Variants in DGKB observed in about 807,000 individuals in gnomAD.
DGKB encodes 90 kDa diacylglycerol kinase.
Under a neutral mutation model 114.3 loss-of-function variants are expected in DGKB, and 67 were observed. The ratio of observed to expected loss-of-function variants is 0.59; its 90% CI spans 0.48 to 0.72. The LOEUF is 0.72. DGKB is among the 30% of genes least tolerant of loss of function. DGKB has a pLI of 0.00. For missense variants in DGKB, 907 were observed against 975.2 expected, an observed-to-expected ratio of 0.93 and a Z score of 0.93; for synonymous variants, 398 against 323.1, an observed-to-expected ratio of 1.23 and a Z score of -2.49.
At chr7:14,950,643 G>T (rs1450866546) in intron 1 of DGKB, among the ~76,000 whole-genome samples, 1 of 151,812 alleles carries the variant, frequency 6.6e-6, no homozygotes, top group Non-Finnish European at 1.5e-5. Flanking sequence ...AAAAGTCCAG[G>T]CATGCATTTC....
chr7:14,347,606 A>G (rs1201281731), intron 21 of DGKB, among the ~76,000 whole-genome samples: 1 of 152,060 alleles, frequency 6.6e-6, no homozygotes, highest in African/African-American at 2.4e-5. Context: ...TGTGGTTATC[A>G]GGGGTCAAGA....
At chr7:14,286,421 G>A (rs1362041072) in intron 23 of DGKB, among the ~76,000 whole-genome samples, 1 of 152,120 alleles carries the variant, frequency 6.6e-6, no homozygotes, top group Admixed American at 6.6e-5. Flanking sequence ...TATTACTTGG[G>A]TACTAAAGTC....
intron 20 of DGKB, among the ~76,000 whole-genome samples, chr7:14,546,487 G>C (rs1794303787): frequency 6.6e-6 from 1 of 152,288 alleles, no homozygotes; most frequent in African/African-American, 2.4e-5. Context: ...CTGGTGCAGT[G>C]CAGGTCTTAG....
intron 14 of DGKB, among the ~76,000 whole-genome samples, chr7:14,624,916 T>G (rs1038915206): frequency 6.6e-6 from 1 of 152,010 alleles, no homozygotes; most frequent in African/African-American, 2.4e-5. Flanking sequence ...GGAGGATCAC[T>G]GGAGTCTGGG....
At chr7:14,957,900 T>C (rs970640475) in intron 1 of DGKB, among the ~76,000 whole-genome samples, 2 of 152,098 alleles carry the variant, frequency 1.3e-5, no homozygotes, top group African/African-American at 4.8e-5. Context: ...TTTAGTTGAC[T>C]CTCGTAGCAC....
At chr7:14,726,327 A>G (rs949958720) in intron 5 of DGKB, among the ~76,000 whole-genome samples, 1 of 151,894 alleles carries the variant, frequency 6.6e-6, no homozygotes, top group African/African-American at 2.4e-5. Context: ...TTTAGTAGAG[A>G]CGGGGTTTTT....
rs115855641 is a variant in DGKB, at chr7:14,735,121, C to G, written c.322+920G>C. On this transcript the variant is annotated intron_variant, in intron 5 of 25. Coordinates refer to ENST00000402815, the MANE Select transcript of DGKB (RefSeq NM_001350709.2). Reference sequence around the variant, plus strand: ...GCTCATGTCCACACCAACAAAAGCACAATGAGCTCCCTGCTAAGCAATCTG... The same window carrying G: ...GCTCATGTCCACACCAACAAAAGCAGAATGAGCTCCCTGCTAAGCAATCTG... 5.6e-3 allele frequency among the ~76,000 whole-genome samples: 859 copies of G among 152,322 alleles called. 8 individuals are homozygous for G. Among genetic ancestry groups the G allele is most frequent in the African/African-American group, 0.019 (809 of 41,576 alleles).
intron 20 of DGKB, among the ~76,000 whole-genome samples, chr7:14,537,789 C>G (rs904693315): frequency 6.6e-6 from 1 of 152,020 alleles, no homozygotes; most frequent in African/African-American, 2.4e-5. Flanking sequence ...AAAATAAATA[C>G]GTGGGACTGG....
At chr7:14,818,541 A>G (rs1844480777) in intron 2 of DGKB, among the ~76,000 whole-genome samples, 1 of 152,146 alleles carries the variant, frequency 6.6e-6, no homozygotes, top group Non-Finnish European at 1.5e-5. Context: ...ACAGTATCCA[A>G]AAATTGGGTA....
intron 1 of DGKB, among the ~76,000 whole-genome samples, chr7:14,955,004 A>G (rs1292319706): frequency 6.6e-6 from 1 of 152,214 alleles, no homozygotes; most frequent in South Asian, 2.1e-4. Context: ...GAAAAGGAAG[A>G]GTACAATAGA....
At chr7:14,273,997 T>C (rs57364520) in intron 23 of DGKB, among the ~76,000 whole-genome samples, 1 of 152,348 alleles carries the variant, frequency 6.6e-6, no homozygotes, top group African/African-American at 2.4e-5. Flanking sequence ...TTGTATTTCA[T>C]TGTTTTGTGG....
chr7:14,676,067 G>A (rs1819798985), intron 12 of DGKB, among the ~76,000 whole-genome samples: 2 of 152,054 alleles, frequency 1.3e-5, no homozygotes, highest in African/African-American at 4.8e-5. Flanking sequence ...CCTATAAAGT[G>A]TAAAAGTGAA....
At chr7:14,973,671 T>C (rs1787627716) in intron 1 of DGKB, among the ~76,000 whole-genome samples, 1 of 150,346 alleles carries the variant, frequency 6.7e-6, no homozygotes, top group African/African-American at 2.4e-5. Flanking sequence ...AGCCTTTTAA[T>C]CATGTTTATG....
intron 21 of DGKB, among the ~76,000 whole-genome samples, chr7:14,411,108 G>A (rs944400620): frequency 1.3e-5 from 2 of 152,120 alleles, no homozygotes; most frequent in African/African-American, 4.8e-5. Flanking sequence ...TAAACAACCA[G>A]TACTGTAGTC....
Position 14,292,116 on chromosome 7 carries a change from T to C in DGKB, c.2122+46399A>G, listed in dbSNP as rs537713911. 3.9e-5 allele frequency among the ~76,000 whole-genome samples: 6 copies of C among 152,290 alleles called. No homozygotes were observed. In the East Asian group the frequency reaches 1.2e-3, roughly 29 times the overall value. On this transcript the variant is annotated intron_variant, in intron 23 of 25. Coordinates refer to ENST00000402815, the MANE Select transcript of DGKB (RefSeq NM_001350709.2). ...ATTTATTTGCTCTGTTCATGAAAAG[T>C]GATTTTATTTTTGGGTTTAAAGAAA...
intron 19 of DGKB, among the ~76,000 whole-genome samples, chr7:14,578,074 T>C (rs540209506): frequency 6.4e-4 from 97 of 152,158 alleles, no homozygotes; most frequent in Non-Finnish European, 1.2e-3. Flanking sequence ...GTTTCCTCCA[T>C]GCAGTTCTGG....
At chr7:14,543,815 A>C (rs1236914190) in intron 20 of DGKB, among the ~76,000 whole-genome samples, 1 of 152,224 alleles carries the variant, frequency 6.6e-6, no homozygotes, top group South Asian at 2.1e-4. Context: ...TTACAGAGAA[A>C]GCTCCAAAAA....
At chr7:14,954,923 T>A (rs1382868626) in intron 1 of DGKB, among the ~76,000 whole-genome samples, 2 of 151,996 alleles carry the variant, frequency 1.3e-5, no homozygotes, top group Non-Finnish European at 2.9e-5. Flanking sequence ...AATGACAAAC[T>A]ATAGATAGAG....
In DGKB at chr7:14,825,016, G is replaced by GTGTATATATA. The variant is rs1480765381; in HGVS notation, c.70+16177_70+16178insTATATATACA. ...TGTGTATATATATATGTATGTGTAT[G>GTGTATATATA]TATATATATATATATATATATATAT... On this transcript the variant is annotated intron_variant, in intron 2 of 25. Coordinates refer to ENST00000402815, the MANE Select transcript of DGKB (RefSeq NM_001350709.2). 4.9e-4 allele frequency among the ~76,000 whole-genome samples: 45 copies of GTGTATATATA among 92,406 alleles called. 1 individual carries two copies. Among genetic ancestry groups the GTGTATATATA allele is most frequent in the South Asian group, 1.6e-3 (4 of 2,498 alleles). The allele number at this position is 92,406 out of a possible 152,430, so 60.6% of individuals were successfully genotyped here. A position where few individuals can be genotyped will look rare whatever the true frequency, so the allele number is the denominator to read the frequency against.
Sources: allele counts gnomAD v4.1 joint callset (sites outside exome capture counted in the v4.1 genomes callset), GRCh38; gene constraint gnomAD v4.1.1; transcripts MANE v1.5; gene names NCBI Gene and HGNC (gene_info 2026-07-23, HGNC 2026-07-21).